The following GRM5 variants were observed in gnomAD, a reference collection of about 807,000 sequenced individuals.
The protein encoded by GRM5 is metabotropic glutamate receptor 5.
In GRM5, 19 loss-of-function variants were observed where a neutral mutation model predicts 83.1. The observed-to-expected ratio is 0.23, with a 90% CI of 0.16 to 0.34. GRM5 has a LOEUF of 0.34. Among genes scored for constraint, GRM5 ranks in the 10% least tolerant of loss-of-function variants. The pLI, the probability that GRM5 is intolerant of heterozygous loss-of-function variation, is 1.00. For missense variants in GRM5, 1,160 were observed against 1,588.3 expected (o/e 0.73, Z 4.58); for synonymous variants, 675 against 633.6 (o/e 1.07, Z -0.98).
intron 2 of GRM5, among the ~76,000 whole-genome samples, chr11:88,957,215 C>T (rs182798317): frequency 1.8e-3 from 280 of 152,194 alleles, no homozygotes; most frequent in Admixed American, 3.9e-3. Flanking sequence ...ATGGATGCTT[C>T]CGATGAAAAA....
chr11:88,975,461 T>C (rs1258168319), intron 2 of GRM5, among the ~76,000 whole-genome samples: 1 of 152,218 alleles, frequency 6.6e-6, no homozygotes, highest in Admixed American at 6.5e-5. Context: ...TTTGAAAGGA[T>C]GCCAGGGAGT....
intron 7 of GRM5, among the ~76,000 whole-genome samples, chr11:88,587,737 G>C (rs962892564): frequency 6.6e-6 from 1 of 152,028 alleles, no homozygotes; most frequent in Non-Finnish European, 1.5e-5. Flanking sequence ...AAAAATGCAA[G>C]GTCACTGACA....
chr11:88,635,131 CA>C, intron 4 of GRM5, among the ~76,000 whole-genome samples: 1 of 152,284 alleles, frequency 6.6e-6, no homozygotes, highest in Middle Eastern at 3.4e-3. Context: ...CTGTGATGAG[CA>C]TTGGGTACAG....
At chr11:88,667,232 T>C (rs970977168) in intron 3 of GRM5, among the ~76,000 whole-genome samples, 1 of 152,094 alleles carries the variant, frequency 6.6e-6, no homozygotes, top group Non-Finnish European at 1.5e-5. Context: ...AATTTTTGAA[T>C]ATAGAAAAGT....
chr11:88,799,401 AT>A (rs1373565628), intron 3 of GRM5, among the ~76,000 whole-genome samples: 1 of 152,142 alleles, frequency 6.6e-6, no homozygotes, highest in African/African-American at 2.4e-5. Context: ...GTAACTATCT[AT>A]ATATGTATAC....
chr11:89,013,212 A>G (rs1373139419), intron 2 of GRM5, among the ~76,000 whole-genome samples: 1 of 152,188 alleles, frequency 6.6e-6, no homozygotes, highest in African/African-American at 2.4e-5. Flanking sequence ...TTGGAAGCTA[A>G]GCATATGTGT....
At chr11:88,533,232 T>C (rs1591328768) in intron 8 of GRM5, among the ~76,000 whole-genome samples, 1 of 152,190 alleles carries the variant, frequency 6.6e-6, no homozygotes, top group South Asian at 2.1e-4. Context: ...AAAGTCACTT[T>C]TTCTCCCTTG....
At chr11:88,885,142 CTTGTTTTATCCTATTT>C (rs1235828331) in intron 2 of GRM5, among the ~76,000 whole-genome samples, 1 of 151,704 alleles carries the variant, frequency 6.6e-6, no homozygotes, top group African/African-American at 2.4e-5. Context: ...ACATCCCATT[CTTGTTTTATCCTATTT>C]TTTAGGCTCT....
At chr11:88,965,089 A>G (rs1938910180) in intron 2 of GRM5, among the ~76,000 whole-genome samples, 1 of 152,196 alleles carries the variant, frequency 6.6e-6, no homozygotes, top group South Asian at 2.1e-4. Flanking sequence ...CAATTACAAA[A>G]TTGTTAGACT....
At chr11:88,770,917 T>TA (rs1325850088) in intron 3 of GRM5, among the ~76,000 whole-genome samples, 1 of 152,114 alleles carries the variant, frequency 6.6e-6, no homozygotes, top group Non-Finnish European at 1.5e-5. Context: ...CCTGGACAGA[T>TA]ATGACCATAT....
chr11:88,777,105 T>C (rs2387410), intron 3 of GRM5, among the ~76,000 whole-genome samples: 75,396 of 152,046 alleles, frequency 0.5, 22,621 homozygotes, highest in Non-Finnish European at 0.7. Context: ...TCTTTTCACA[T>C]AGTCCCATAG....
chr11:88,954,625 G>C (rs959648753), intron 2 of GRM5, among the ~76,000 whole-genome samples: 3 of 152,146 alleles, frequency 2.0e-5, no homozygotes, highest in Non-Finnish European at 2.9e-5. Context: ...AATGTGGCTG[G>C]TGCAACAGAG....
chr11:88,809,910 T>G, intron 3 of GRM5, among the ~76,000 whole-genome samples: 1 of 152,136 alleles, frequency 6.6e-6, no homozygotes, highest in Middle Eastern at 3.2e-3. Flanking sequence ...TAGGGATAGC[T>G]GATACTAAAC....
At chr11:89,049,839 C>T (rs1941720827) in intron 1 of GRM5, among the ~76,000 whole-genome samples, 2 of 152,162 alleles carry the variant, frequency 1.3e-5, no homozygotes, top group Non-Finnish European at 2.9e-5. Context: ...ATTGGCAAGT[C>T]ATTTGAATAT....
At chr11:88,916,862 A>G (rs1170281836) in intron 2 of GRM5, among the ~76,000 whole-genome samples, 1 of 152,192 alleles carries the variant, frequency 6.6e-6, no homozygotes, top group Non-Finnish European at 1.5e-5. Flanking sequence ...CAATACTAGG[A>G]CATAGCTCCC....
intron 3 of GRM5, among the ~76,000 whole-genome samples, chr11:88,746,319 T>TGTAAA (rs1467336379): frequency 6.6e-6 from 1 of 152,148 alleles, no homozygotes; most frequent in Non-Finnish European, 1.5e-5. Flanking sequence ...TCTACAACAC[T>TGTAAA]GTAAAGTAGT....
chr11:88,526,218 C>T (rs1473322372), intron 8 of GRM5, among the ~76,000 whole-genome samples: 1 of 152,166 alleles, frequency 6.6e-6, no homozygotes, highest in African/African-American at 2.4e-5. Flanking sequence ...GATATTTCAT[C>T]TAAAATAAGT....
At chr11:88,605,882 G>T (rs1938129176) in intron 4 of GRM5, among the ~76,000 whole-genome samples, 1 of 152,152 alleles carries the variant, frequency 6.6e-6, no homozygotes, top group African/African-American at 2.4e-5. Context: ...GGGACATCAT[G>T]CTGAACAAGA....
At chr11:89,040,605 C>T (rs1432828454) in intron 2 of GRM5, among the ~76,000 whole-genome samples, 1 of 152,116 alleles carries the variant, frequency 6.6e-6, no homozygotes, top group East Asian at 1.9e-4. Context: ...GGAGGCTGAA[C>T]CAGGAGGATC....
Sources: gnomAD v4.1 joint callset for allele counts (sites outside exome capture counted in the v4.1 genomes callset) on GRCh38, gnomAD v4.1.1 for gene constraint, MANE v1.5 for transcripts, NCBI Gene and HGNC (gene_info 2026-07-23, HGNC 2026-07-21) for gene names.